FAAH2: variants seen among roughly 807,000 people sequenced by gnomAD.
FAAH2 encodes the protein fatty acid amide hydrolase 2.
A neutral mutation model predicts 36.9 loss-of-function variants in FAAH2; 60 were observed. The ratio of observed to expected loss-of-function variants is 1.63; its 90% CI spans 1.32 to 2.02. The LOEUF is 2.02. FAAH2 is among the 30% of genes most tolerant of loss of function. The probability of loss-of-function intolerance (pLI) is 0.00; values close to 1 mark genes in which losing one functional copy is unlikely to be tolerated. For synonymous variants in FAAH2, 214 were observed against 143.8 expected, an observed-to-expected ratio of 1.49 and a Z score of -3.49; for missense variants, 689 against 397.5, an observed-to-expected ratio of 1.73 and a Z score of -6.23.
chrX:57,162,202 G>T, the FAAH2 span, among the ~76,000 whole-genome samples: 2 of 111,874 alleles, frequency 1.8e-5, no homozygotes, highest in African/African-American at 3.3e-5. Context: ...AATCTCTTCT[G>T]GTTTGTAGGG....
At chrX:57,431,263 G>A (rs893075909) in intron 7 of FAAH2, among the ~76,000 whole-genome samples, 1 of 111,607 alleles carries the variant, frequency 9.0e-6, no homozygotes, top group Non-Finnish European at 1.9e-5. Context: ...AGCAAAGAAG[G>A]GTGGTATGGT....
intron 5 of FAAH2, among the ~76,000 whole-genome samples, chrX:57,357,579 G>A (rs1046656153): frequency 1.8e-5 from 2 of 111,706 alleles, no homozygotes; most frequent in Admixed American, 1.9e-4. Flanking sequence ...ACAAATGTAT[G>A]AAAAAAAGCT....
intron 8 of FAAH2, among the ~76,000 whole-genome samples, chrX:57,434,506 T>A (rs1445874146): frequency 4.6e-5 from 5 of 109,469 alleles, no homozygotes; most frequent in Non-Finnish European, 7.6e-5. Flanking sequence ...ACTTATAAAT[T>A]CATTGAAGGG....
the FAAH2 span, among the ~76,000 whole-genome samples, chrX:57,227,986 C>T: frequency 3.6e-5 from 4 of 111,888 alleles, no homozygotes; most frequent in South Asian, 1.5e-3. Flanking sequence ...TGGTCTCACT[C>T]CCACCATGCC....
At chrX:57,293,346 A>C (rs1010462641) in intron 2 of FAAH2, among the ~76,000 whole-genome samples, 2 of 112,489 alleles carry the variant, frequency 1.8e-5, no homozygotes, top group Admixed American at 9.4e-5. Flanking sequence ...AAACTAGCCA[A>C]TATCATGAAA....
At chrX:57,462,560 CAT>C (rs1237642866) in intron 10 of FAAH2, among the ~76,000 whole-genome samples, 1 of 112,303 alleles carries the variant, frequency 8.9e-6, no homozygotes, top group African/African-American at 3.2e-5. Flanking sequence ...ATAAAAAACA[CAT>C]GATTATCTCA....
intron 2 of FAAH2, among the ~76,000 whole-genome samples, chrX:57,295,853 T>A (rs2052132408): frequency 8.9e-6 from 1 of 112,355 alleles, no homozygotes; most frequent in African/African-American, 3.2e-5. Context: ...GGAGCCTCAC[T>A]CATTGCTAGG....
At chrX:57,223,146 C>T in the FAAH2 span, among the ~76,000 whole-genome samples, 1 of 112,414 alleles carries the variant, frequency 8.9e-6, no homozygotes, top group East Asian at 2.8e-4. Context: ...GCTCTCTCAT[C>T]AGCAAACTCC....
At chrX:57,310,504 A>G in intron 2 of FAAH2, 89 bp from the exon 3 acceptor site, 1 of 994,404 alleles carries the variant, frequency 1.0e-6, no homozygotes, top group Admixed American at 3.3e-5. Flanking sequence ...TGTTGATTAC[A>G]TATTAACATG....
the FAAH2 span, among the ~76,000 whole-genome samples, chrX:57,231,565 A>G: frequency 9.0e-6 from 1 of 111,604 alleles, no homozygotes; most frequent in South Asian, 3.7e-4. Flanking sequence ...GATCTAAGTT[A>G]TCTTTTTATA....
intron 10 of FAAH2, chrX:57,452,466 T>C: frequency 4.0e-6 from 1 of 248,750 alleles, no homozygotes; most frequent in Non-Finnish European, 5.6e-6. Flanking sequence ...ATTGATAAGC[T>C]AGACACACAA....
At chrX:57,346,052 A>C (rs949043101) in intron 5 of FAAH2, among the ~76,000 whole-genome samples, 1 of 111,498 alleles carries the variant, frequency 9.0e-6, no homozygotes, top group African/African-American at 3.3e-5. Flanking sequence ...ACTTGTGGTC[A>C]ATCTTAGAAT....
At chrX:57,215,313 C>A in the FAAH2 span, among the ~76,000 whole-genome samples, 1 of 111,142 alleles carries the variant, frequency 9.0e-6, no homozygotes, top group Non-Finnish European at 1.9e-5. Context: ...AGTTGAGAAA[C>A]AACAGATGCT....
chrX:57,198,897 A>G, the FAAH2 span, among the ~76,000 whole-genome samples: 46,241 of 111,318 alleles, frequency 0.42, 8,965 homozygotes, highest in African/African-American at 0.75. Context: ...GAGAATTTGT[A>G]TTTGGAGGCA....
At chrX:57,387,444 A>G (rs1178747218) in intron 7 of FAAH2, among the ~76,000 whole-genome samples, 2 of 111,446 alleles carry the variant, frequency 1.8e-5, no homozygotes, top group Non-Finnish European at 3.8e-5. Context: ...CATAGCTAAC[A>G]TATCAGCAAT....
chrX:57,284,936 C>T (rs977101544), upstream of FAAH2, among the ~76,000 whole-genome samples: 2 of 111,880 alleles, frequency 1.8e-5, no homozygotes, highest in Non-Finnish European at 3.8e-5. Flanking sequence ...GGTCAGAGCC[C>T]AATCAGTGAG....
At chrX:57,130,078 T>C in the FAAH2 span, among the ~76,000 whole-genome samples, 119 of 112,454 alleles carry the variant, frequency 1.1e-3, no homozygotes, top group Non-Finnish European at 3.4e-4. Context: ...ACACAAATCA[T>C]TGTAAAACTT....
intron 5 of FAAH2, among the ~76,000 whole-genome samples, chrX:57,376,121 C>CT (rs1451443856): frequency 9.0e-6 from 1 of 111,511 alleles, no homozygotes. Flanking sequence ...TGTAGTATAA[C>CT]TACAGGCTGT....
chrX:57,289,216 C>T (rs1393319255), intron 1 of FAAH2, among the ~76,000 whole-genome samples: 2 of 111,831 alleles, frequency 1.8e-5, no homozygotes, highest in Admixed American at 1.9e-4. Flanking sequence ...GTAAATCTTA[C>T]TCAATTTTTG....
Sources: allele counts gnomAD v4.1 joint callset (sites outside exome capture counted in the v4.1 genomes callset), GRCh38; gene constraint gnomAD v4.1.1; transcripts MANE v1.5; gene names NCBI Gene and HGNC (gene_info 2026-07-23, HGNC 2026-07-21).